The following GLG1 variants were observed in gnomAD, a reference collection of about 807,000 sequenced individuals.
The protein encoded by GLG1 is Golgi apparatus protein 1.
In GLG1, 38 loss-of-function variants were observed where a neutral mutation model predicts 160.5. The ratio of observed to expected loss-of-function variants is 0.24; its 90% CI spans 0.18 to 0.31. GLG1 has a LOEUF of 0.31. Ranked by LOEUF, GLG1 falls within the 10% of genes least tolerant of loss-of-function variation. The pLI is 1.00. For synonymous variants in GLG1, 644 were observed against 543.4 expected (o/e 1.19, Z -2.57); for missense variants, 1,373 against 1,505.2 (o/e 0.91, Z 1.45).
At chr16:74,499,863 C>T (rs1424363222) in intron 4 of GLG1, among the ~76,000 whole-genome samples, 1 of 152,100 alleles carries the variant, frequency 6.6e-6, no homozygotes, top group African/African-American at 2.4e-5. Context: ...ATTAGCCGGG[C>T]ATGGTGGCAG....
At chr16:74,508,978 C>T (rs966622508) in intron 2 of GLG1, 53 bp from the exon 3 acceptor site, 322 of 757,318 alleles carry the variant, frequency 4.3e-4, no homozygotes, top group Non-Finnish European at 1.5e-4. Flanking sequence ...TAGAACAGTA[C>T]GAAATTTATT....
intron 1 of GLG1, among the ~76,000 whole-genome samples, chr16:74,554,114 T>A (rs1430701953): frequency 1.3e-5 from 2 of 152,146 alleles, no homozygotes; most frequent in African/African-American, 2.4e-5. Context: ...CTATGGGAGA[T>A]AACTAGGGAA....
Position 74,503,577 on chromosome 16 carries a change from T to C in GLG1, c.728A>G (p.Asn243Ser), listed in dbSNP as rs1029766738. The C allele has an allele frequency of 6.2e-7, 1 of 1,613,704 alleles. No individual in the cohort carries two copies. Among genetic ancestry groups the C allele is most frequent in the African/African-American group, 1.3e-5 (1 of 74,914 alleles). ...GCCACATTTCAGAATGTTGATGTCA[T>C]TTTTGCAGTCATCCATGAAGCCACA... is the stretch of plus-strand genomic sequence containing the variant. The part of the protein sequence containing the change: ...LICGFMDDCK[N>S]DINILKCGSI... The change falls in exon 4 of 26, where the codon AAT becomes AGT. Residue 243 changes from asparagine (N) to serine (S), a missense_variant. Asn to Ser is a conservative substitution (Grantham distance 46). This residue lies in a region of GLG1 where 174 missense variants were observed against 229.9 expected (regional missense o/e 0.76). Coordinates refer to ENST00000422840, the MANE Select transcript of GLG1 (RefSeq NM_001145667.2).
intron 1 of GLG1, among the ~76,000 whole-genome samples, chr16:74,534,989 G>C (rs1272875160): frequency 6.6e-6 from 1 of 152,174 alleles, no homozygotes; most frequent in African/African-American, 2.4e-5. Context: ...TGCCTGGGTA[G>C]TTTGGCCTGT....
intron 1 of GLG1, among the ~76,000 whole-genome samples, chr16:74,559,703 G>A (rs751541525): frequency 2.0e-5 from 3 of 151,102 alleles, no homozygotes; most frequent in Non-Finnish European, 4.4e-5. Flanking sequence ...CATTCCCACC[G>A]AGATTACGTC....
chr16:74,560,423 G>C (rs1189530842), intron 1 of GLG1, among the ~76,000 whole-genome samples: 6 of 151,212 alleles, frequency 4.0e-5, no homozygotes, highest in Non-Finnish European at 7.4e-5. Context: ...CGTCTTCCAG[G>C]TTCAAGCGAT....
intron 2 of GLG1, among the ~76,000 whole-genome samples, chr16:74,530,956 A>C (rs2017513114): frequency 6.6e-6 from 1 of 152,186 alleles, no homozygotes; most frequent in Non-Finnish European, 1.5e-5. Flanking sequence ...TATGTTTATT[A>C]ATAGCATTTT....
chr16:74,534,726 C>G (rs1055628180), intron 1 of GLG1, among the ~76,000 whole-genome samples: 1 of 151,974 alleles, frequency 6.6e-6, no homozygotes, highest in South Asian at 2.1e-4. Context: ...TGTACCGCCT[C>G]CTGCTATAAA....
At position 74,477,522 on chromosome 16, in the gene GLG1, C is replaced by G; in HGVS notation, c.1839G>C (p.Glu613Asp). The change falls in exon 12 of 26, where the codon GAG becomes GAC. Residue 613 changes from glutamate to aspartate, a missense_variant. By Grantham distance (45) the Glu-to-Asp change is conservative. Transcript: ENST00000422840. ...TEEQGRRLSR[E>D]CRAEVQRILH... ...GGATCCTTTGGACTTCAGCTCGGCA[C>G]TCCCGTGAGAGCTGCATGAGAAAAA... The G allele has an allele frequency of 6.2e-7, 1 of 1,613,052 alleles. No homozygotes were observed.
chr16:74,467,295 T>A (rs938016693), intron 18 of GLG1, among the ~76,000 whole-genome samples: 1 of 152,240 alleles, frequency 6.6e-6, no homozygotes, highest in Non-Finnish European at 1.5e-5. Context: ...TTTGTTTGTA[T>A]GTACTTCACT....
In GLG1 at chr16:74,522,011, T is replaced by A. The variant is rs992421976; in HGVS notation, c.471+10110A>T. On this transcript the variant is annotated intron_variant, in intron 2 of 25. Coordinates refer to ENST00000422840, the MANE Select transcript of GLG1 (RefSeq NM_001145667.2). ...AAAGCATGAAAGTACGGCATCCCGA[T>A]TGGGCATTTATAATTCATTAACAGC... 2.6e-5 allele frequency among the ~76,000 whole-genome samples: 4 copies of A among 152,360 alleles called. No homozygotes were observed. In the East Asian group the frequency reaches 7.7e-4, roughly 29 times the overall value.
chr16:74,568,282 C>T (rs2018717034), intron 1 of GLG1, among the ~76,000 whole-genome samples: 2 of 152,112 alleles, frequency 1.3e-5, no homozygotes, highest in South Asian at 4.1e-4. Flanking sequence ...TCTCTTTTTA[C>T]CTGAAGCTAG....
At chr16:74,462,272 AAAC>A in intron 21 of GLG1, 77 bp from the exon 22 acceptor site, 8 of 865,626 alleles carry the variant, frequency 9.2e-6, no homozygotes, top group Non-Finnish European at 1.3e-5. Flanking sequence ...ATGAAAAAAA[AAAC>A]AAACAACAAC....
chr16:74,574,119 TA>T (rs1256735739), intron 1 of GLG1, among the ~76,000 whole-genome samples: 1 of 152,182 alleles, frequency 6.6e-6, no homozygotes. Context: ...TAGCTCAGCC[TA>T]AAGATACTAA....
At chr16:74,533,329 A>AAAAAC (rs1217894887) in intron 1 of GLG1, among the ~76,000 whole-genome samples, 1 of 152,196 alleles carries the variant, frequency 6.6e-6, no homozygotes, top group Non-Finnish European at 1.5e-5. Flanking sequence ...TCAAAAAACA[A>AAAAAC]AAAACAAAAC....
At chr16:74,563,102 T>C (rs2018552989) in intron 1 of GLG1, 1 of 152,216 alleles carries the variant, frequency 6.6e-6, no homozygotes, top group South Asian at 2.1e-4. Flanking sequence ...CATGAGACTC[T>C]TACCTCTCAA....
rs776697550 is a variant in GLG1, at chr16:74,607,008, T to A, written c.87A>T (p.Lys29Asn). 1.2e-6 allele frequency: 2 copies of A among 1,602,980 alleles called. No homozygotes were observed. Among genetic ancestry groups the A allele is most frequent in the Non-Finnish European group, 1.7e-6 (2 of 1,177,102 alleles). ...LLLLFAAGAE[K>N]LPGQGVHSQG... ...GGCTGTGGACGCCCTGGCCGGGGAG[T>A]TTCTCGGCCCCGGCCGCGAATAGCA... The change falls in exon 1 of 26, where the codon AAA becomes AAT. Residue 29 changes from lysine (K) to asparagine (N), a missense_variant. By Grantham distance (94) the Lys-to-Asn change is moderately conservative (BLOSUM62 0). Transcript: ENST00000422840.
At chr16:74,518,186 T>C (rs1217698298) in intron 2 of GLG1, among the ~76,000 whole-genome samples, 3 of 152,144 alleles carry the variant, frequency 2.0e-5, no homozygotes, top group Non-Finnish European at 4.4e-5. Flanking sequence ...CTTCACAGAA[T>C]TGGTAAAAAC....
intron 8 of GLG1, among the ~76,000 whole-genome samples, chr16:74,486,559 A>G (rs2015791884): frequency 1.3e-5 from 2 of 152,230 alleles, no homozygotes; most frequent in Admixed American, 6.5e-5. Context: ...TGCAGCTGGA[A>G]ATGAGACTAT....
Sources: allele counts gnomAD v4.1 joint callset (sites outside exome capture counted in the v4.1 genomes callset), GRCh38; gene constraint gnomAD v4.1.1; regional missense constraint gnomAD v4.1.1; transcripts MANE v1.5; gene names NCBI Gene and HGNC (gene_info 2026-07-23, HGNC 2026-07-21).